Variants in AP3D1 observed in about 807,000 individuals in gnomAD.
AP3D1 encodes adaptor related protein complex 3 subunit delta 1.
In AP3D1, 51 loss-of-function variants were observed where a neutral mutation model predicts 147.6. The observed-to-expected ratio is 0.35, with a 90% CI of 0.28 to 0.44. The LOEUF (loss-of-function observed/expected upper bound fraction) is 0.44. Ranked by LOEUF, AP3D1 falls within the 20% of genes least tolerant of loss-of-function variation. AP3D1 has a pLI of 1.00. For synonymous variants in AP3D1, 760 were observed against 663.0 expected (o/e 1.15, Z -2.25); for missense variants, 1,421 against 1,624.2 (o/e 0.87, Z 2.15).
rs570900402 is a variant in AP3D1, at chr19:2,120,496, A to G, written c.1481+366T>C. The stretch of plus-strand genomic sequence containing the variant: ...CTCACCTACAGCAAACAGGGCTCAG[A>G]AGGGCTGCCACGCGCCCAGCTGGAA... On this transcript the variant is annotated intron_variant, in intron 14 of 31. Transcript: ENST00000643116. Among the ~76,000 whole-genome samples the G allele has an allele frequency of 2.0e-5, 3 of 152,316 alleles. No individual in the cohort carries two copies. The East Asian group carries it at 5.8e-4, about 29-fold the overall frequency.
intron 27 of AP3D1, 83 bp from the exon 28 acceptor site, chr19:2,110,307 A>C (rs2018235294): frequency 1.2e-5 from 14 of 1,185,622 alleles, no homozygotes; most frequent in Admixed American, 5.2e-5. Context: ...CCTCAGTCCC[A>C]AGTCCTCTGT....
Position 2,129,568 on chromosome 19 carries a change from ACATGGCCCTGG to A in AP3D1, c.593-122_593-112del, listed in dbSNP as rs2145108652. Reference sequence around the variant, plus strand: ...TGGGGCCTGCAGCAGCTCCCACTGAACATGGCCCTGGCTCTGCCACCTCCTCCTGGTGACAG... The same window carrying A: ...TGGGGCCTGCAGCAGCTCCCACTGAACTCTGCCACCTCCTCCTGGTGACAG... On this transcript the variant is annotated intron_variant, in intron 6 of 31. Transcript: ENST00000643116. The A allele has an allele frequency of 3.0e-6, 4 of 1,346,650 alleles. No individual in the cohort carries two copies. In the African/African-American group the frequency reaches 5.8e-5, roughly 20 times the overall value. 83.4% of individuals were successfully genotyped at this position (1,346,650 alleles called of 1,614,324 possible). A position where few individuals can be genotyped will look rare whatever the true frequency, so the allele number is the denominator to read the frequency against.
chr19:2,116,888 G>A (rs1159848454), intron 16 of AP3D1, 142 bp from the exon 17 acceptor site: 8 of 1,182,178 alleles, frequency 6.8e-6, no homozygotes, highest in Middle Eastern at 2.9e-4. Context: ...GGCCAGCGAG[G>A]CAGGTGTCAC....
chr19:2,141,627 A>C (rs2019222593), intron 1 of AP3D1, among the ~76,000 whole-genome samples: 3 of 151,992 alleles, frequency 2.0e-5, no homozygotes, highest in Admixed American at 2.0e-4. Context: ...TTTTTAGCAG[A>C]GACAGGATTT....
At chr19:2,128,338 G>A (rs58942509) in intron 8 of AP3D1, among the ~76,000 whole-genome samples, 12,295 of 152,104 alleles carry the variant, frequency 0.081, 913 homozygotes, top group African/African-American at 0.19. Flanking sequence ...TAGTGGCCGG[G>A]AATGCCACTA....
chr19:2,133,140 AATGGGCAGGAAAGCCCCACAGG>A (rs925798964), intron 4 of AP3D1, among the ~76,000 whole-genome samples: 8 of 152,172 alleles, frequency 5.3e-5, no homozygotes, highest in Non-Finnish European at 8.8e-5. Context: ...CCTGGCACAG[AATGGGCAGGAAAGCCCCACAGG>A]ATGGGGTCCT....
chr19:2,150,956 GC>G (rs2144581456), intron 1 of AP3D1, among the ~76,000 whole-genome samples: 1 of 152,364 alleles, frequency 6.6e-6, no homozygotes, highest in African/African-American at 2.4e-5. Context: ...GGGGCCCAGG[GC>G]ATTGCATTTT....
chr19:2,134,370 G>A (rs943144438), intron 4 of AP3D1, among the ~76,000 whole-genome samples: 1 of 151,844 alleles, frequency 6.6e-6, no homozygotes, highest in African/African-American at 2.4e-5. Context: ...GCAGTGAGCT[G>A]CAATTGCGCT....
intron 1 of AP3D1, among the ~76,000 whole-genome samples, chr19:2,157,443 A>AAAAAAAAAG (rs2144599907): frequency 1.3e-5 from 1 of 74,920 alleles, no homozygotes; most frequent in South Asian, 3.5e-4. Flanking sequence ...CTCCGTCTCA[A>AAAAAAAAAG]AAAAAAAAAA....
chr19:2,141,954 G>C (rs760992217), intron 1 of AP3D1, among the ~76,000 whole-genome samples: 25 of 149,348 alleles, frequency 1.7e-4, no homozygotes, highest in Non-Finnish European at 3.3e-4. Context: ...ATTTATTTTT[G>C]CATATATTTA....
chr19:2,107,460 G>A (rs2018143310), intron 31 of AP3D1, among the ~76,000 whole-genome samples: 1 of 151,910 alleles, frequency 6.6e-6, no homozygotes, highest in Non-Finnish European at 1.5e-5. Context: ...TGCAATAAAG[G>A]CCGGGCGCGG....
At chr19:2,109,254 A>T (rs2018197512) in intron 29 of AP3D1, 47 bp from the exon 30 acceptor site, 1 of 1,524,222 alleles carries the variant, frequency 6.6e-7, no homozygotes, top group African/African-American at 1.4e-5. Context: ...CGGGCTCCTC[A>T]GGCTTCCTGG....
Position 2,130,534 on chromosome 19 carries a change from A to C in AP3D1, c.466T>G (p.Ser156Ala), listed in dbSNP as rs769359073. 4 of 1,613,754 alleles carry C rather than the reference A, an allele frequency of 2.5e-6. No individual in the cohort carries two copies. The highest frequency in any genetic ancestry group is 3.4e-6 in the Non-Finnish European group (4 of 1,179,888). Reference protein sequence around the residue: ...DLANDIMTLMSHTKPYIRKKA... With the variant: ...DLANDIMTLMAHTKPYIRKKA... ...TTCCTGATGTAGGGCTTGGTGTGTGACATCTGCGGGGCAGCGGGCTTCAGC... is the reference window on the plus strand; with the variant it reads ...TTCCTGATGTAGGGCTTGGTGTGTGCCATCTGCGGGGCAGCGGGCTTCAGC... Residue 156 changes from serine (S) to alanine (A), a missense_variant, in exon 6 of 32, where the codon TCA becomes GCA. Around this residue, in one of 6 missense-constraint regions of AP3D1, gnomAD observed 292 missense variants for 412.0 expected, o/e 0.71. Coordinates refer to ENST00000643116, the MANE Select transcript of AP3D1 (RefSeq NM_001261826.3).
chr19:2,162,818 C>G (rs1357508408), intron 1 of AP3D1, among the ~76,000 whole-genome samples: 1 of 152,080 alleles, frequency 6.6e-6, no homozygotes, highest in African/African-American at 2.4e-5. Flanking sequence ...GTGACTCTCC[C>G]AACGTCACCC....
chr19:2,134,209 TTTGAGACCAG>T (rs2019020069), intron 4 of AP3D1, among the ~76,000 whole-genome samples: 1 of 151,546 alleles, frequency 6.6e-6, no homozygotes, highest in Non-Finnish European at 1.5e-5. Flanking sequence ...AGCCCAGGGG[TTTGAGACCAG>T]CCTAGGCAAC....
chr19:2,131,526 C>T lies in AP3D1; in HGVS notation c.462+945G>A, dbSNP rs1418208629. ...ACGAGGGGACAGGGCCCATCGGCCA[C>T]GATCTAGGCACCCGGTGGACAGGCA... is the stretch of plus-strand genomic sequence containing the variant. On this transcript the variant is annotated intron_variant, in intron 5 of 31. Transcript: ENST00000643116. Among the ~76,000 whole-genome samples, 5 of 116,618 alleles carry T rather than the reference C, an allele frequency of 4.3e-5. 1 individual carries two copies. Among genetic ancestry groups the T allele is most frequent in the Non-Finnish European group, 5.3e-5 (3 of 56,562 alleles). The allele number at this position is 116,618 out of a possible 152,430, so 76.5% of individuals were successfully genotyped here.
chr19:2,127,440 C>T (rs542069758), intron 8 of AP3D1, among the ~76,000 whole-genome samples: 44 of 152,342 alleles, frequency 2.9e-4, no homozygotes, highest in Middle Eastern at 3.4e-3. Context: ...ACAGCATCCA[C>T]GCAGGGACGG....
At chr19:2,116,474 G>C (rs1028049080) in intron 17 of AP3D1, 131 bp downstream of exon 17, 2 of 1,310,914 alleles carry the variant, frequency 1.5e-6, no homozygotes, top group African/African-American at 3.0e-5. Context: ...AACGCTCTGG[G>C]AGGCAGGGAC....
At chr19:2,142,430 G>A (rs1875270684) in intron 1 of AP3D1, among the ~76,000 whole-genome samples, 1 of 152,162 alleles carries the variant, frequency 6.6e-6, no homozygotes, top group South Asian at 2.1e-4. Context: ...GATTAAAGGT[G>A]TGAGCCACCG....
Sources: allele counts gnomAD v4.1 joint callset (sites outside exome capture counted in the v4.1 genomes callset), GRCh38; gene constraint gnomAD v4.1.1; regional missense constraint gnomAD v4.1.1; transcripts MANE v1.5; gene names NCBI Gene and HGNC (gene_info 2026-07-23, HGNC 2026-07-21).